The following LRMDA variants were observed in gnomAD, a reference collection of about 807,000 sequenced individuals.
LRMDA encodes leucine-rich melanocyte differentiation-associated protein.
A neutral mutation model predicts 29.8 loss-of-function variants in LRMDA; 18 were observed. That is an observed-to-expected ratio of 0.60 (90% confidence interval 0.42 to 0.90). The LOEUF is 0.90. Among genes scored for constraint, LRMDA ranks in the 40% least tolerant of loss-of-function variants. The probability of loss-of-function intolerance (pLI) is 0.00; values close to 1 mark genes in which losing one functional copy is unlikely to be tolerated. For synonymous variants in LRMDA, 125 were observed against 109.4 expected (o/e 1.14, Z -0.89); for missense variants, 273 against 273.9 (o/e 1.00, Z 0.02).
chr10:75,979,226 T>C (rs1847125041), intron 2 of LRMDA, among the ~76,000 whole-genome samples: 1 of 152,208 alleles, frequency 6.6e-6, no homozygotes, highest in African/African-American at 2.4e-5. Context: ...TTAATAATAA[T>C]GATTACAATA....
rs953778632 is a variant in LRMDA at position 75,631,113 on chromosome 10, T to C, written c.131+192619T>C. Among the ~76,000 whole-genome samples the C allele has an allele frequency of 4.6e-5, 7 of 152,308 alleles. No individual in the cohort carries two copies. The East Asian group carries it at 1.4e-3, about 29-fold the overall frequency. On this transcript the variant is annotated intron_variant, in intron 2 of 6. Transcript: ENST00000611255. ...TTTACCTTGTGACTTTCCTGCTGAC[T>C]TCTTCTTAGGAAGGAAATTTCTAGC... is the stretch of plus-strand genomic sequence containing the variant.
chr10:75,572,574 A>G (rs1390127773), intron 2 of LRMDA, among the ~76,000 whole-genome samples: 1 of 152,202 alleles, frequency 6.6e-6, no homozygotes, highest in African/African-American at 2.4e-5. Context: ...TTAATTTTGT[A>G]CATCTTTCAG....
chr10:75,900,930 G>A (rs1236318073), intron 2 of LRMDA, among the ~76,000 whole-genome samples: 1 of 152,182 alleles, frequency 6.6e-6, no homozygotes, highest in Non-Finnish European at 1.5e-5. Flanking sequence ...TATTTGCAGA[G>A]ATTTCTTCAT....
intron 2 of LRMDA, among the ~76,000 whole-genome samples, chr10:75,826,890 G>A (rs147595088): frequency 6.6e-6 from 1 of 152,222 alleles, no homozygotes; most frequent in East Asian, 1.9e-4. Flanking sequence ...TGTATTTTAT[G>A]TGTTTAGTGG....
intron 2 of LRMDA, among the ~76,000 whole-genome samples, chr10:75,545,230 A>G (rs1436753268): frequency 6.6e-6 from 1 of 152,168 alleles, no homozygotes; most frequent in Non-Finnish European, 1.5e-5. Flanking sequence ...GTTTAGCACT[A>G]TGACATATAG....
chr10:76,518,327 C>CTATCTATT (rs71477039), intron 6 of LRMDA, among the ~76,000 whole-genome samples: 6 of 148,236 alleles, frequency 4.0e-5, no homozygotes, highest in Admixed American at 3.4e-4. Context: ...ATCTATCTAT[C>CTATCTATT]ATCTCTATCT....
intron 6 of LRMDA, among the ~76,000 whole-genome samples, chr10:76,538,908 A>T (rs1256932143): frequency 6.6e-6 from 1 of 152,124 alleles, no homozygotes; most frequent in Non-Finnish European, 1.5e-5. Context: ...ACAAATGTAC[A>T]AAGAATTTCT....
intron 2 of LRMDA, among the ~76,000 whole-genome samples, chr10:75,724,934 C>G (rs932976848): frequency 1.3e-5 from 2 of 152,148 alleles, no homozygotes; most frequent in Non-Finnish European, 2.9e-5. Context: ...GTTATCATCT[C>G]AAATATCGAA....
chr10:76,142,400 G>A (rs551332946), intron 5 of LRMDA, among the ~76,000 whole-genome samples: 66 of 152,070 alleles, frequency 4.3e-4, no homozygotes, highest in African/African-American at 1.5e-3. Flanking sequence ...AATTTTGTGT[G>A]TAATATGCCA....
At position 76,433,264 on chromosome 10, in the gene LRMDA, C is replaced by T. The variant is rs145373076; in HGVS notation, c.601+108779C>T. Among the ~76,000 whole-genome samples, 4 of 152,238 alleles carry T rather than the reference C, an allele frequency of 2.6e-5. No individual in the cohort carries two copies. In the East Asian group the frequency reaches 7.7e-4, roughly 29 times the overall value. On this transcript the variant is annotated intron_variant, in intron 6 of 6. Transcript: ENST00000611255. ...GGATTTCTTATTCTTTTATTTCCAT[C>T]CTGTCTCCTTGTTTTCTGTCACTGT...
At chr10:76,125,724 C>T (rs945705145) in intron 5 of LRMDA, among the ~76,000 whole-genome samples, 4 of 152,190 alleles carry the variant, frequency 2.6e-5, no homozygotes, top group South Asian at 2.1e-4. Flanking sequence ...CACATCAGGA[C>T]TGCATGCAGC....
At chr10:75,466,768 C>G (rs888982019) in intron 2 of LRMDA, among the ~76,000 whole-genome samples, 3 of 152,048 alleles carry the variant, frequency 2.0e-5, no homozygotes, top group Non-Finnish European at 4.4e-5. Context: ...AAGGAAACTC[C>G]CCCTACTGAA....
At chr10:75,439,604 C>T (rs1470131826) in intron 2 of LRMDA, among the ~76,000 whole-genome samples, 1 of 152,150 alleles carries the variant, frequency 6.6e-6, no homozygotes, top group Non-Finnish European at 1.5e-5. Flanking sequence ...CACATGGCCA[C>T]ACAGAGCTGT....
intron 2 of LRMDA, among the ~76,000 whole-genome samples, chr10:75,852,354 G>A (rs555029109): frequency 1.7e-3 from 252 of 152,186 alleles, no homozygotes; most frequent in African/African-American, 5.6e-3. Flanking sequence ...AAAGGTGGGT[G>A]GGAAATTATA....
At chr10:75,609,374 T>C (rs1840999705) in intron 2 of LRMDA, among the ~76,000 whole-genome samples, 1 of 152,208 alleles carries the variant, frequency 6.6e-6, no homozygotes, top group East Asian at 1.9e-4. Flanking sequence ...CTTAAAACTC[T>C]AGTTTTTGAA....
At chr10:75,851,919 A>T (rs1844738617) in intron 2 of LRMDA, among the ~76,000 whole-genome samples, 1 of 152,214 alleles carries the variant, frequency 6.6e-6, no homozygotes, top group Non-Finnish European at 1.5e-5. Context: ...GCATTGCTTC[A>T]GGAAACGAAG....
intron 2 of LRMDA, among the ~76,000 whole-genome samples, chr10:75,866,350 C>T (rs1484192012): frequency 6.6e-6 from 1 of 152,234 alleles, no homozygotes; most frequent in African/African-American, 2.4e-5. Context: ...TGGCCTACAA[C>T]TCTGGAATAC....
intron 2 of LRMDA, among the ~76,000 whole-genome samples, chr10:75,748,399 A>C (rs1842915062): frequency 6.6e-6 from 1 of 152,186 alleles, no homozygotes; most frequent in Non-Finnish European, 1.5e-5. Context: ...TGGCCTGTTT[A>C]GTGATTTAAG....
chr10:76,338,382 A>AAAT (rs1589142536), intron 6 of LRMDA, among the ~76,000 whole-genome samples: 1 of 151,260 alleles, frequency 6.6e-6, no homozygotes, highest in Non-Finnish European at 1.5e-5. Context: ...ATAAATAAAT[A>AAAT]AATAAATAAA....
Sources: allele counts gnomAD v4.1 joint callset (sites outside exome capture counted in the v4.1 genomes callset), GRCh38; gene constraint gnomAD v4.1.1; transcripts MANE v1.5; gene names NCBI Gene and HGNC (gene_info 2026-07-23, HGNC 2026-07-21).